The following TP53I11 variants were observed in gnomAD, a reference collection of about 807,000 sequenced individuals.
The protein encoded by TP53I11 is tumor protein p53 inducible protein 11.
Under a neutral mutation model 23.3 loss-of-function variants are expected in TP53I11, and 9 were observed. The observed-to-expected ratio is 0.39, with a 90% CI of 0.23 to 0.67. TP53I11 has a LOEUF of 0.67. Among genes scored for constraint, TP53I11 ranks in the 30% least tolerant of loss-of-function variants. The pLI is 0.48. For synonymous variants in TP53I11, 100 were observed against 106.1 expected (o/e 0.94, Z 0.35); for missense variants, 170 against 255.2 (o/e 0.67, Z 2.27).
Position 44,937,495 on chromosome 11 carries a change from T to C in TP53I11, c.188+60A>G, listed in dbSNP as rs75454036. On this transcript the variant is annotated intron_variant, in intron 3 of 6. Coordinates refer to ENST00000525680, the MANE Select transcript of TP53I11 (RefSeq NM_006034.5). Reference sequence around the variant, plus strand: ...CCAGGCCAAATGAGGTGAGGTCTTATGCATTCTGCCCCACCGCCGCAGGCC... The same window carrying C: ...CCAGGCCAAATGAGGTGAGGTCTTACGCATTCTGCCCCACCGCCGCAGGCC... 2.4e-3 allele frequency: 3,836 copies of C among 1,593,726 alleles called. 75 individuals carry two copies. The African/African-American group carries it at 0.043, about 18-fold the overall frequency.
chr11:44,951,088 G>T (rs1862919368), upstream of TP53I11: 1 of 151,998 alleles, frequency 6.6e-6, no homozygotes, highest in Admixed American at 6.5e-5. Flanking sequence ...GAGAGAAGGC[G>T]CCGGGGGAGG....
At position 44,936,756 on chromosome 11, in the gene TP53I11, C is replaced by G; in HGVS notation, c.334+47G>C. 6.8e-7 allele frequency: 1 copy of G among 1,471,820 alleles called. No homozygotes were observed. The highest frequency in any genetic ancestry group is 1.4e-5 in the South Asian group (1 of 72,462). The allele number at this position is 1,471,820 out of a possible 1,614,324, so 91.2% of individuals were successfully genotyped here. ...TGCTCTCCTCAGCCCCGCTGGGTCT[C>G]CCAGCTGCCCGTCGCCTCCCCCAGG... On this transcript the variant is annotated intron_variant, in intron 5 of 6. Coordinates refer to ENST00000525680, the MANE Select transcript of TP53I11 (RefSeq NM_006034.5). This position sits in a 1 kb window ranked among gnomAD's most constrained non-coding sequence, Gnocchi z 4.4.
chr11:44,941,998 T>G (rs76683347), intron 1 of TP53I11, among the ~76,000 whole-genome samples: 2 of 5,884 alleles, frequency 3.4e-4, no homozygotes, highest in South Asian at 9.7e-3. Context: ...ACACCACATA[T>G]ACACACCATA....
intron 3 of TP53I11, 100 bp from the exon 4 acceptor site, chr11:44,937,452 CA>C: frequency 6.6e-7 from 1 of 1,520,704 alleles, no homozygotes; most frequent in East Asian, 2.3e-5. Flanking sequence ...GGTAATGAGA[CA>C]AAATAAAATC....
At chr11:44,941,384 C>A (rs1289497995) in intron 1 of TP53I11, among the ~76,000 whole-genome samples, 2 of 152,282 alleles carry the variant, frequency 1.3e-5, no homozygotes, top group Non-Finnish European at 2.9e-5. Flanking sequence ...ACAGACAGTG[C>A]TTTAGAAAGA....
At position 44,936,992 on chromosome 11, in the gene TP53I11, G is replaced by A. The variant is rs1861208967; in HGVS notation, c.238-93C>T. The A allele has an allele frequency of 1.0e-6, 1 of 954,764 alleles. No homozygotes were observed. Among genetic ancestry groups the A allele is most frequent in the East Asian group, 2.7e-5 (1 of 37,260 alleles). The allele number at this position is 954,764 out of a possible 1,614,324, so 59.1% of individuals were successfully genotyped here. A position where few individuals can be genotyped will look rare whatever the true frequency, so the allele number is the denominator to read the frequency against. On this transcript the variant is annotated intron_variant, in intron 4 of 6. Coordinates refer to ENST00000525680, the MANE Select transcript of TP53I11 (RefSeq NM_006034.5). This position sits in a 1 kb window ranked among gnomAD's most constrained non-coding sequence, Gnocchi z 4.4. Reference sequence around the variant, plus strand: ...CCACAGACGTCTTCCTTCCCCGCCAGGAGCAGGATCAGCATCCTTGGGGGC... The same window carrying A: ...CCACAGACGTCTTCCTTCCCCGCCAAGAGCAGGATCAGCATCCTTGGGGGC...
chr11:44,946,156 T>C (rs536487410), intron 1 of TP53I11, among the ~76,000 whole-genome samples: 3 of 152,242 alleles, frequency 2.0e-5, no homozygotes, highest in East Asian at 3.9e-4. Flanking sequence ...AGAGAGATAA[T>C]CTAGAAGTCA....
At position 44,936,594 on chromosome 11, in the gene TP53I11, G is replaced by A; in HGVS notation, c.334+209C>T. 7.6e-7 allele frequency: 1 copy of A among 1,315,012 alleles called. No homozygotes were observed. The highest frequency in any genetic ancestry group is 9.7e-7 in the Non-Finnish European group (1 of 1,032,712). 81.5% of individuals were successfully genotyped at this position (1,315,012 alleles called of 1,614,324 possible). On this transcript the variant is annotated intron_variant, in intron 5 of 6. Coordinates refer to ENST00000525680, the MANE Select transcript of TP53I11 (RefSeq NM_006034.5). This position sits in a 1 kb window ranked among gnomAD's most constrained non-coding sequence, Gnocchi z 4.4. ...TCCTTGCAGATGGTGGCGACTGCAA[G>A]CTCCAACCCACTGGGTGTATTCCAC...
chr11:44,945,743 G>A (rs1472363463), intron 1 of TP53I11, among the ~76,000 whole-genome samples: 2 of 152,188 alleles, frequency 1.3e-5, no homozygotes, highest in Non-Finnish European at 2.9e-5. Flanking sequence ...TGGGGGGCGG[G>A]GTGCTGGCAG....
At chr11:44,937,212 G>C (rs923020926) in intron 4 of TP53I11, 92 bp downstream of exon 4, 1 of 1,483,968 alleles carries the variant, frequency 6.7e-7, no homozygotes, top group African/African-American at 1.4e-5. Context: ...CTGCACGAGG[G>C]GCCAGGATGG....
At chr11:44,948,800 C>G (rs570363592) in intron 1 of TP53I11, among the ~76,000 whole-genome samples, 1 of 152,192 alleles carries the variant, frequency 6.6e-6, no homozygotes, top group African/African-American at 2.4e-5. Flanking sequence ...CCCCCTCCTC[C>G]CCCATACCCC....
chr11:44,937,628 G>A lies in TP53I11; in HGVS notation c.130-15C>T, dbSNP rs377686215. ...ACCTGGCTGATCTGTGGACAGAGGG[G>A]GTCAGAGGCAACCAGGGTGAGGGCA... is the stretch of plus-strand genomic sequence containing the variant. On this transcript the variant is annotated splice_polypyrimidine_tract_variant and intron_variant, in intron 2 of 6. Coordinates refer to ENST00000525680, the MANE Select transcript of TP53I11 (RefSeq NM_006034.5). The A allele has an allele frequency of 5.7e-5, 92 of 1,612,736 alleles. No individual in the cohort carries two copies. The African/African-American group carries it at 1.2e-3, about 21-fold the overall frequency.
At chr11:44,947,319 G>A (rs186231841) in intron 1 of TP53I11, 32 of 359,314 alleles carry the variant, frequency 8.9e-5, no homozygotes, top group Admixed American at 5.8e-4. Context: ...AGCTGGTGTC[G>A]TCATCAGGAC....
At chr11:44,945,431 T>C (rs1162915777) in intron 1 of TP53I11, among the ~76,000 whole-genome samples, 1 of 152,086 alleles carries the variant, frequency 6.6e-6, no homozygotes, top group African/African-American at 2.4e-5. Context: ...CCAAGGTAAC[T>C]GTTCTTTAAC....
intron 1 of TP53I11, among the ~76,000 whole-genome samples, chr11:44,944,180 G>C (rs1052607924): frequency 2.0e-5 from 3 of 152,160 alleles, no homozygotes; most frequent in African/African-American, 7.2e-5. Flanking sequence ...CCTGGCAGTG[G>C]GGGGTCTGGA....
intron 1 of TP53I11, among the ~76,000 whole-genome samples, chr11:44,948,840 G>T (rs1327724758): frequency 6.6e-6 from 1 of 152,228 alleles, no homozygotes; most frequent in Non-Finnish European, 1.5e-5. Flanking sequence ...TCCCACAGAG[G>T]TGGGGCTATC....
At chr11:44,945,533 C>T (rs1478056568) in intron 1 of TP53I11, among the ~76,000 whole-genome samples, 1 of 151,980 alleles carries the variant, frequency 6.6e-6, no homozygotes, top group Non-Finnish European at 1.5e-5. Context: ...AGCTCTAACC[C>T]ATCTTCCCCA....
At chr11:44,949,539 A>C (rs1221150252) in intron 1 of TP53I11, among the ~76,000 whole-genome samples, 1 of 151,678 alleles carries the variant, frequency 6.6e-6, no homozygotes, top group Non-Finnish European at 1.5e-5. Flanking sequence ...CGGCGGAGAA[A>C]CCCACTCCCC....
chr11:44,938,948 G>A (rs1861471637), intron 1 of TP53I11, among the ~76,000 whole-genome samples: 1 of 152,146 alleles, frequency 6.6e-6, no homozygotes, highest in Non-Finnish European at 1.5e-5. Flanking sequence ...TGCCAGGGGT[G>A]TTGACGGGGA....
Sources: allele counts gnomAD v4.1 joint callset (sites outside exome capture counted in the v4.1 genomes callset), GRCh38; gene constraint gnomAD v4.1.1; non-coding constraint Gnocchi (gnomAD v3.1); transcripts MANE v1.5; gene names NCBI Gene and HGNC (gene_info 2026-07-23, HGNC 2026-07-21).